Variants in CSMD1 observed in about 807,000 individuals in gnomAD.
The protein encoded by CSMD1 is CUB and Sushi multiple domains 1.
Under a neutral mutation model 417.5 loss-of-function variants are expected in CSMD1, and 213 were observed. The ratio of observed to expected loss-of-function variants is 0.51; its 90% CI spans 0.46 to 0.57. The LOEUF is 0.57. Ranked by LOEUF, CSMD1 falls within the 20% of genes least tolerant of loss-of-function variation. CSMD1 has a pLI of 0.00. For synonymous variants in CSMD1, 2,862 were observed against 1,736.8 expected (o/e 1.65, Z -16.11); for missense variants, 6,923 against 4,529.7 (o/e 1.53, Z -15.17).
chr8:4,599,158 T>C (rs1469341698), intron 2 of CSMD1, among the ~76,000 whole-genome samples: 2 of 152,158 alleles, frequency 1.3e-5, no homozygotes, highest in African/African-American at 2.4e-5. Context: ...ACGTACTGTA[T>C]CTGTAGGGAG....
intron 3 of CSMD1, among the ~76,000 whole-genome samples, chr8:4,339,894 A>G (rs1307439757): frequency 1.3e-5 from 2 of 152,068 alleles, no homozygotes; most frequent in African/African-American, 4.8e-5. Flanking sequence ...GCATGGTGGC[A>G]CGCACCAGTA....
At chr8:3,561,286 T>A (rs774834416) in intron 10 of CSMD1, among the ~76,000 whole-genome samples, 1 of 152,190 alleles carries the variant, frequency 6.6e-6, no homozygotes, top group Non-Finnish European at 1.5e-5. Context: ...CTACTAGGTA[T>A]CTACTCAAAG....
At chr8:4,552,462 C>A (rs961715948) in intron 2 of CSMD1, among the ~76,000 whole-genome samples, 1 of 152,060 alleles carries the variant, frequency 6.6e-6, no homozygotes, top group East Asian at 1.9e-4. Context: ...AGAAATAGTA[C>A]CAAGAACAGA....
At chr8:4,043,666 G>C (rs1798005842) in intron 3 of CSMD1, among the ~76,000 whole-genome samples, 1 of 152,156 alleles carries the variant, frequency 6.6e-6, no homozygotes, top group Non-Finnish European at 1.5e-5. Context: ...GTTCCTGGGT[G>C]AAACCATACA....
At chr8:4,921,420 G>C (rs986710208) in intron 1 of CSMD1, among the ~76,000 whole-genome samples, 4 of 152,258 alleles carry the variant, frequency 2.6e-5, no homozygotes, top group Non-Finnish European at 4.4e-5. Context: ...ATTAATGGGA[G>C]TTTATATTTT....
intron 8 of CSMD1, among the ~76,000 whole-genome samples, chr8:3,590,917 A>AGTTT (rs1800817498): frequency 6.6e-6 from 1 of 152,224 alleles, no homozygotes; most frequent in African/African-American, 2.4e-5. Flanking sequence ...AATATATAAT[A>AGTTT]AACTAAGTTT....
intron 3 of CSMD1, among the ~76,000 whole-genome samples, chr8:4,169,186 A>G (rs1473773437): frequency 6.6e-6 from 1 of 152,128 alleles, no homozygotes; most frequent in African/African-American, 2.4e-5. Flanking sequence ...TCAGAATGTT[A>G]ACATAGTGTA....
chr8:3,465,823 G>C (rs1816763566), intron 12 of CSMD1, among the ~76,000 whole-genome samples: 2 of 152,146 alleles, frequency 1.3e-5, no homozygotes, highest in Admixed American at 6.5e-5. Context: ...ATAGCAGTTT[G>C]TCTAGGGTTT....
rs549283563 is a variant in CSMD1, at chr8:4,312,654, A to G, written c.415+107299T>C. On this transcript the variant is annotated intron_variant, in intron 3 of 69. Coordinates refer to ENST00000635120, the MANE Select transcript of CSMD1 (RefSeq NM_033225.6). ...CACTTTGGGAGGCCGAGGTGAGTGG[A>G]TCACCTGAGGTCAGGAGTTTGAGAC... Among the ~76,000 whole-genome samples the G allele has an allele frequency of 2.0e-5, 3 of 151,974 alleles. No individual in the cohort carries two copies. In the East Asian group the frequency reaches 5.8e-4, roughly 29 times the overall value.
intron 2 of CSMD1, among the ~76,000 whole-genome samples, chr8:4,436,107 T>A (rs1180840752): frequency 6.6e-6 from 1 of 152,180 alleles, no homozygotes; most frequent in Non-Finnish European, 1.5e-5. Context: ...CCAACTGAGC[T>A]AAATATATTC....
intron 10 of CSMD1, among the ~76,000 whole-genome samples, chr8:3,507,685 A>G (rs1312750044): frequency 6.6e-6 from 1 of 152,124 alleles, no homozygotes; most frequent in African/African-American, 2.4e-5. Flanking sequence ...TGACTTTTTA[A>G]TGATTGCCAT....
At chr8:3,400,991 T>G (rs1195211245) in intron 15 of CSMD1, among the ~76,000 whole-genome samples, 16 of 151,690 alleles carry the variant, frequency 1.1e-4, no homozygotes, top group Admixed American at 1.1e-3. Context: ...TAATTTTTCT[T>G]GTTAATTTCT....
chr8:4,344,889 G>A (rs142432177), intron 3 of CSMD1, among the ~76,000 whole-genome samples: 13 of 152,072 alleles, frequency 8.5e-5, no homozygotes, highest in Non-Finnish European at 1.9e-4. Flanking sequence ...ACTCAAATAC[G>A]TCATGGACAA....
intron 10 of CSMD1, among the ~76,000 whole-genome samples, chr8:3,541,929 G>A (rs985034132): frequency 6.6e-6 from 1 of 152,094 alleles, no homozygotes; most frequent in Non-Finnish European, 1.5e-5. Context: ...GGGCGTGGTG[G>A]CTTGTACACC....
At chr8:4,653,427 G>C (rs1422541519) in intron 1 of CSMD1, among the ~76,000 whole-genome samples, 1 of 152,092 alleles carries the variant, frequency 6.6e-6, no homozygotes, top group Non-Finnish European at 1.5e-5. Context: ...ATTCACAAGA[G>C]TACCTTGTCT....
intron 3 of CSMD1, among the ~76,000 whole-genome samples, chr8:4,325,461 C>G (rs566591694): frequency 5.3e-5 from 8 of 152,142 alleles, no homozygotes; most frequent in Non-Finnish European, 1.0e-4. Flanking sequence ...ATGTAAGAAT[C>G]GTCTACTTTC....
At chr8:4,610,800 G>T (rs1259456604) in intron 2 of CSMD1, among the ~76,000 whole-genome samples, 1 of 152,134 alleles carries the variant, frequency 6.6e-6, no homozygotes, top group Non-Finnish European at 1.5e-5. Context: ...TTTCACAAGA[G>T]TTCAGGATGG....
chr8:4,204,593 A>G (rs1799868931), intron 3 of CSMD1, among the ~76,000 whole-genome samples: 1 of 152,226 alleles, frequency 6.6e-6, no homozygotes, highest in Non-Finnish European at 1.5e-5. Flanking sequence ...TCTGACAAAA[A>G]TAATTGCATA....
chr8:3,344,177 GT>G (rs759097823), intron 22 of CSMD1, among the ~76,000 whole-genome samples: 18 of 152,204 alleles, frequency 1.2e-4, no homozygotes, highest in Non-Finnish European at 2.5e-4. Context: ...TTCCCAACTA[GT>G]GGGGAGACAG....
Sources: allele counts gnomAD v4.1 joint callset (sites outside exome capture counted in the v4.1 genomes callset), GRCh38; gene constraint gnomAD v4.1.1; transcripts MANE v1.5; gene names NCBI Gene and HGNC (gene_info 2026-07-23, HGNC 2026-07-21).